Variants in GLCCI1 observed in about 807,000 individuals in gnomAD.
The protein encoded by GLCCI1 is glucocorticoid-induced transcript 1 protein.
Under a neutral mutation model 52.2 loss-of-function variants are expected in GLCCI1, and 24 were observed. The ratio of observed to expected loss-of-function variants is 0.46; its 90% CI spans 0.33 to 0.65. The LOEUF is 0.65. Among genes scored for constraint, GLCCI1 ranks in the 30% least tolerant of loss-of-function variants. The pLI, the probability that GLCCI1 is intolerant of heterozygous loss-of-function variation, is 0.02. For missense variants in GLCCI1, 704 were observed against 701.5 expected (o/e 1.00, Z -0.04); for synonymous variants, 310 against 276.5 (o/e 1.12, Z -1.20).
At chr7:8,056,003 A>AC (rs1167594307) in intron 4 of GLCCI1, among the ~76,000 whole-genome samples, 254 of 136,788 alleles carry the variant, frequency 1.9e-3, no homozygotes, top group Non-Finnish European at 2.6e-3. Flanking sequence ...AAAAAAAAAA[A>AC]AAAACAAAAA....
At chr7:8,004,164 T>C in intron 2 of GLCCI1, 105 bp downstream of exon 2, 1 of 1,045,040 alleles carries the variant, frequency 9.6e-7, no homozygotes, top group Non-Finnish European at 1.4e-6. Flanking sequence ...TTGAAATACA[T>C]CCAACCAAGG....
intron 5 of GLCCI1, 101 bp from the exon 6 acceptor site, chr7:8,070,820 C>T (rs1782744905): frequency 1.0e-6 from 1 of 997,580 alleles, no homozygotes; most frequent in Non-Finnish European, 1.5e-6. Context: ...TAAACTGGGT[C>T]AGTAGTGGTG....
chr7:8,035,556 C>T (rs1287240935), intron 3 of GLCCI1, among the ~76,000 whole-genome samples: 1 of 152,080 alleles, frequency 6.6e-6, no homozygotes, highest in Non-Finnish European at 1.5e-5. Context: ...AGGTGGGGCA[C>T]CTCCCCCTTA....
At chr7:8,044,868 G>T (rs766061218) in intron 3 of GLCCI1, among the ~76,000 whole-genome samples, 2 of 152,060 alleles carry the variant, frequency 1.3e-5, no homozygotes, top group African/African-American at 4.8e-5. Flanking sequence ...AATCTCAACA[G>T]ACCATAGAAA....
intron 5 of GLCCI1, among the ~76,000 whole-genome samples, chr7:8,066,069 A>G (rs1464600768): frequency 6.6e-6 from 1 of 152,052 alleles, no homozygotes; most frequent in Admixed American, 6.6e-5. Context: ...TTACTGACTC[A>G]ATTTCAGAAC....
rs565809230 is a variant in GLCCI1, at chr7:8,024,050, G to A, written c.696+1481G>A. Among the ~76,000 whole-genome samples the A allele has an allele frequency of 9.2e-5, 14 of 152,256 alleles. No individual in the cohort carries two copies. The East Asian group carries it at 2.3e-3, about 25-fold the overall frequency. On this transcript the variant is annotated intron_variant, in intron 3 of 7. Coordinates refer to ENST00000223145, the MANE Select transcript of GLCCI1 (RefSeq NM_138426.4). ...ACTTTGCCCTCTGGATCAATATTGAGTAAGTCTAAGTCTTTTAAAGGCTAG... is the reference window on the plus strand; with the variant it reads ...ACTTTGCCCTCTGGATCAATATTGAATAAGTCTAAGTCTTTTAAAGGCTAG...
intron 2 of GLCCI1, among the ~76,000 whole-genome samples, chr7:8,008,780 T>C (rs1781205100): frequency 6.6e-6 from 1 of 152,116 alleles, no homozygotes; most frequent in South Asian, 2.1e-4. Context: ...AACTTTGAAA[T>C]GAATAAAAAA....
intron 4 of GLCCI1, among the ~76,000 whole-genome samples, chr7:8,059,408 A>G (rs1171712992): frequency 6.6e-6 from 1 of 152,072 alleles, no homozygotes; most frequent in East Asian, 1.9e-4. Flanking sequence ...ATTTGTTTTA[A>G]TTTTTACCTT....
chr7:8,069,954 A>G (rs1008233865), intron 5 of GLCCI1: 1 of 152,234 alleles, frequency 6.6e-6, no homozygotes, highest in African/African-American at 2.4e-5. Flanking sequence ...AACAACAAAT[A>G]TTTTCAATTA....
intron 6 of GLCCI1, among the ~76,000 whole-genome samples, chr7:8,080,341 G>T (rs1782968748): frequency 6.6e-6 from 1 of 151,558 alleles, no homozygotes; most frequent in Admixed American, 6.5e-5. Flanking sequence ...TGGTTGAACA[G>T]TGTACTCACT....
In GLCCI1 at chr7:8,071,655, T is replaced by G. The variant is rs566360468; in HGVS notation, c.1177+524T>G. On this transcript the variant is annotated intron_variant, in intron 6 of 7. Coordinates refer to ENST00000223145, the MANE Select transcript of GLCCI1 (RefSeq NM_138426.4). ...ATTAACTGTTGAGAACATCTGGGAT[T>G]CTTATTTCCTATCAAGCCCAACTGT... 7.9e-5 allele frequency among the ~76,000 whole-genome samples: 12 copies of G among 152,278 alleles called. No homozygotes were observed. The South Asian group carries it at 2.5e-3, about 32-fold the overall frequency.
rs1165476828 is a variant in GLCCI1, at chr7:8,086,259, A to C, written c.1365A>C (p.Pro455=). 1 of 1,614,124 alleles carries C rather than the reference A, an allele frequency of 6.2e-7. No individual in the cohort carries two copies. The highest frequency in any genetic ancestry group is 8.5e-7 in the Non-Finnish European group (1 of 1,180,020). Residue 455 remains proline (P), a synonymous_variant, in exon 8 of 8, where the codon CCA becomes CCC. Coordinates refer to ENST00000223145, the MANE Select transcript of GLCCI1 (RefSeq NM_138426.4). This position sits in a 1 kb window ranked among gnomAD's most constrained non-coding sequence, Gnocchi z 4.4. ...ACAAAAACAAGGTTAATTTCATCCC[A>C]ACCGGATCAGCTTTCTGTCCTGTAA... ...CPDKNKVNFI[P]TGSAFCPVKL...
At chr7:8,045,985 T>C (rs1782115793) in intron 3 of GLCCI1, among the ~76,000 whole-genome samples, 1 of 148,722 alleles carries the variant, frequency 6.7e-6, no homozygotes, top group African/African-American at 2.5e-5. Flanking sequence ...ACCTTATAAA[T>C]GTTTAAGATG....
intron 6 of GLCCI1, among the ~76,000 whole-genome samples, chr7:8,073,443 C>T (rs1782807841): frequency 6.6e-6 from 1 of 151,984 alleles, no homozygotes; most frequent in South Asian, 2.1e-4. Flanking sequence ...TCCTCTGTGC[C>T]CTTTTGTTCC....
intron 3 of GLCCI1, among the ~76,000 whole-genome samples, chr7:8,043,857 A>G (rs1428919761): frequency 6.6e-6 from 1 of 152,228 alleles, no homozygotes; most frequent in Non-Finnish European, 1.5e-5. Flanking sequence ...AAGACCGAAC[A>G]TGAAAATAGG....
At chr7:8,023,956 TTTAA>T (rs1781557601) in intron 3 of GLCCI1, among the ~76,000 whole-genome samples, 1 of 152,090 alleles carries the variant, frequency 6.6e-6, no homozygotes, top group Non-Finnish European at 1.5e-5. Context: ...GTTTAATTGG[TTTAA>T]TTGTTTCAAG....
chr7:7,995,882 C>G (rs982026853), intron 1 of GLCCI1, among the ~76,000 whole-genome samples: 5 of 151,646 alleles, frequency 3.3e-5, no homozygotes, highest in African/African-American at 1.2e-4. Flanking sequence ...CACATATACC[C>G]TAGAACTTAA....
intron 3 of GLCCI1, among the ~76,000 whole-genome samples, chr7:8,027,223 C>A (rs1257996145): frequency 6.6e-6 from 1 of 152,234 alleles, no homozygotes; most frequent in Non-Finnish European, 1.5e-5. Flanking sequence ...TGAGGAAACT[C>A]ACGCCTGTAA....
In GLCCI1 at chr7:7,969,890, C is replaced by T; in HGVS notation, c.457+83C>T. On this transcript the variant is annotated intron_variant, in intron 1 of 7. Coordinates refer to ENST00000223145, the MANE Select transcript of GLCCI1 (RefSeq NM_138426.4). This position sits in a 1 kb window ranked among gnomAD's most constrained non-coding sequence, Gnocchi z 4.9. ...TGGAAACTTCAGCCTCTTCGGGCTT[C>T]TCTTTGCTAGTGCATTATCGAAGGT... The T allele has an allele frequency of 8.4e-7, 1 of 1,191,620 alleles. No homozygotes were observed. Among genetic ancestry groups the T allele is most frequent in the Non-Finnish European group, 1.1e-6 (1 of 948,836 alleles). The allele number at this position is 1,191,620 out of a possible 1,614,324, so 73.8% of individuals were successfully genotyped here.
Sources: gnomAD v4.1 joint callset for allele counts (sites outside exome capture counted in the v4.1 genomes callset) on GRCh38, gnomAD v4.1.1 for gene constraint, Gnocchi (gnomAD v3.1) non-coding constraint, MANE v1.5 for transcripts, NCBI Gene and HGNC (gene_info 2026-07-23, HGNC 2026-07-21) for gene names.